Variants in ESRRG observed in about 807,000 individuals in gnomAD.
ESRRG encodes the protein estrogen related receptor gamma.
A neutral mutation model predicts 44.0 loss-of-function variants in ESRRG; 13 were observed. The ratio of observed to expected loss-of-function variants is 0.30; its 90% CI spans 0.19 to 0.47. ESRRG has a LOEUF of 0.47. Ranked by LOEUF, ESRRG falls within the 20% of genes least tolerant of loss-of-function variation. The pLI is 1.00. For synonymous variants in ESRRG, 215 were observed against 214.6 expected (o/e 1.00, Z -0.02); for missense variants, 395 against 580.6 (o/e 0.68, Z 3.29).
At chr1:217,024,537 C>CA (rs1162741256) in intron 1 of ESRRG, among the ~76,000 whole-genome samples, 1 of 152,046 alleles carries the variant, frequency 6.6e-6, no homozygotes, top group African/African-American at 2.4e-5. Context: ...ACAAACACAC[C>CA]AAAGCCTGGA....
At chr1:216,953,966 A>G (rs1245752352) in intron 1 of ESRRG, among the ~76,000 whole-genome samples, 1 of 152,080 alleles carries the variant, frequency 6.6e-6, no homozygotes, top group Non-Finnish European at 1.5e-5. Flanking sequence ...TAAAAAACCT[A>G]TGCAAAATCA....
At chr1:217,094,945 T>C (rs1188804913) in intron 1 of ESRRG, among the ~76,000 whole-genome samples, 1 of 152,196 alleles carries the variant, frequency 6.6e-6, no homozygotes, top group East Asian at 1.9e-4. Flanking sequence ...ATAAGGCAAA[T>C]TCCTTAACCA....
At chr1:216,945,440 T>G (rs1406045104) in intron 1 of ESRRG, among the ~76,000 whole-genome samples, 1 of 152,172 alleles carries the variant, frequency 6.6e-6, no homozygotes, top group South Asian at 2.1e-4. Flanking sequence ...ATTAGTGTGC[T>G]TGAAGAAAAC....
intron 2 of ESRRG, among the ~76,000 whole-genome samples, chr1:216,878,395 T>C (rs533190736): frequency 1.8e-4 from 28 of 152,346 alleles, no homozygotes; most frequent in African/African-American, 5.8e-4. Flanking sequence ...TGTTCTTCGT[T>C]AAATATACAT....
chr1:216,797,968 T>C (rs1041171873), intron 2 of ESRRG, among the ~76,000 whole-genome samples: 3 of 152,146 alleles, frequency 2.0e-5, no homozygotes, highest in African/African-American at 7.2e-5. Flanking sequence ...GCATCACTTT[T>C]GACCCCTCTT....
At chr1:216,539,641 G>A (rs990050020) in intron 5 of ESRRG, among the ~76,000 whole-genome samples, 22 of 151,882 alleles carry the variant, frequency 1.4e-4, no homozygotes, top group African/African-American at 5.3e-4. Flanking sequence ...GGATTTTTTG[G>A]TTACATTTGT....
intron 1 of ESRRG, among the ~76,000 whole-genome samples, chr1:217,079,706 G>A (rs1214298934): frequency 6.6e-6 from 1 of 152,148 alleles, no homozygotes; most frequent in Non-Finnish European, 1.5e-5. Flanking sequence ...AAGTTTTAAA[G>A]AATAACACAT....
chr1:216,515,791 CAG>C (rs1415669753), intron 6 of ESRRG, among the ~76,000 whole-genome samples: 1 of 152,012 alleles, frequency 6.6e-6, no homozygotes, highest in African/African-American at 2.4e-5. Flanking sequence ...ACTCGAGCAA[CAG>C]AGAATTGTCA....
intron 1 of ESRRG, among the ~76,000 whole-genome samples, chr1:216,953,856 T>C (rs2067426129): frequency 6.6e-6 from 1 of 152,068 alleles, no homozygotes; most frequent in Non-Finnish European, 1.5e-5. Flanking sequence ...ATATAACAGA[T>C]ATAATTATAA....
intron 1 of ESRRG, among the ~76,000 whole-genome samples, chr1:216,691,981 A>T (rs1265564938): frequency 1.3e-5 from 2 of 152,356 alleles, no homozygotes; most frequent in East Asian, 3.9e-4. Context: ...TGCCAGTCAT[A>T]TAAAAGTATA....
At chr1:216,836,495 G>C (rs1016311572) in intron 2 of ESRRG, among the ~76,000 whole-genome samples, 1 of 151,880 alleles carries the variant, frequency 6.6e-6, no homozygotes, top group Non-Finnish European at 1.5e-5. Context: ...CTACAATCAC[G>C]GGCCTACCAA....
chr1:216,663,135 A>C (rs1645179139), intron 2 of ESRRG, among the ~76,000 whole-genome samples: 1 of 152,246 alleles, frequency 6.6e-6, no homozygotes, highest in South Asian at 2.1e-4. Flanking sequence ...TACTTTAAGT[A>C]TCACAAAATT....
chr1:216,763,707 T>C (rs1312012793), intron 2 of ESRRG, among the ~76,000 whole-genome samples: 1 of 152,130 alleles, frequency 6.6e-6, no homozygotes, highest in Non-Finnish European at 1.5e-5. Context: ...TCACTGTGCA[T>C]GGGCAGTCAC....
At chr1:216,897,158 G>A (rs1406950572) in intron 2 of ESRRG, among the ~76,000 whole-genome samples, 1 of 152,124 alleles carries the variant, frequency 6.6e-6, no homozygotes, top group Non-Finnish European at 1.5e-5. Flanking sequence ...AGAAATGAAT[G>A]AGGAGGAAAG....
rs2064096269 is a variant in ESRRG at position 216,936,032 on chromosome 1, T to A, written c.-14+3550A>T. Among the ~76,000 whole-genome samples the A allele has an allele frequency of 2.0e-5, 3 of 152,088 alleles. No individual in the cohort carries two copies. The South Asian group carries it at 6.2e-4, about 32-fold the overall frequency. On this transcript the variant is annotated intron_variant, in intron 2 of 7. Transcript: ENST00000359162. ...GGTATGGTTGAAAGTTCCAAGCTTG[T>A]AATCATGGCTTGTTTTTTCTGGTGA...
At chr1:216,687,239 C>T (rs1178301395) in intron 1 of ESRRG, among the ~76,000 whole-genome samples, 1 of 152,006 alleles carries the variant, frequency 6.6e-6, no homozygotes, top group Non-Finnish European at 1.5e-5. Flanking sequence ...TGGTTTTTTC[C>T]TAGAAATGGT....
chr1:216,956,741 A>G (rs898763510), intron 1 of ESRRG, among the ~76,000 whole-genome samples: 5 of 152,204 alleles, frequency 3.3e-5, no homozygotes, highest in Admixed American at 1.3e-4. Flanking sequence ...GCAGTTAGAG[A>G]GAATAGAAAT....
intron 1 of ESRRG, chr1:217,078,340 T>C (rs1388979868): frequency 1.3e-5 from 2 of 152,264 alleles, no homozygotes; most frequent in African/African-American, 4.8e-5. Context: ...ATGTGCTGGT[T>C]GATTTGCTCC....
intron 1 of ESRRG, among the ~76,000 whole-genome samples, chr1:217,057,183 G>A (rs1026451215): frequency 6.6e-6 from 1 of 152,164 alleles, no homozygotes; most frequent in African/African-American, 2.4e-5. Flanking sequence ...TGACCAAAGT[G>A]GTTGAGGAGA....
Sources: allele counts gnomAD v4.1 joint callset (sites outside exome capture counted in the v4.1 genomes callset), GRCh38; gene constraint gnomAD v4.1.1; transcripts MANE v1.5; gene names NCBI Gene and HGNC (gene_info 2026-07-23, HGNC 2026-07-21).